The following NCK2 variants were observed in gnomAD, a reference collection of about 807,000 sequenced individuals.
The protein encoded by NCK2 is cytoplasmic protein NCK2.
NCK2 carries 16 observed loss-of-function variants against 33.9 expected under a neutral mutation model. The ratio of observed to expected loss-of-function variants is 0.47; its 90% CI spans 0.32 to 0.72. The LOEUF (loss-of-function observed/expected upper bound fraction) is 0.72. Among genes scored for constraint, NCK2 ranks in the 30% least tolerant of loss-of-function variants. NCK2 has a pLI of 0.03. For synonymous variants in NCK2, 273 were observed against 239.9 expected (o/e 1.14, Z -1.27); for missense variants, 418 against 537.3 (o/e 0.78, Z 2.19).
chr2:105,792,426 C>G (rs1051615603), intron 1 of NCK2, among the ~76,000 whole-genome samples: 16 of 152,178 alleles, frequency 1.1e-4, no homozygotes, highest in Non-Finnish European at 1.9e-4. Flanking sequence ...GACATCAATT[C>G]CTGTCCTGTA....
At chr2:105,808,895 A>G (rs180672407) in intron 1 of NCK2, among the ~76,000 whole-genome samples, 56 of 152,290 alleles carry the variant, frequency 3.7e-4, no homozygotes, top group Admixed American at 1.1e-3. Flanking sequence ...TGGGCAAACT[A>G]ATTTTTGCTT....
chr2:105,852,677 G>A (rs1677112455), intron 2 of NCK2, among the ~76,000 whole-genome samples: 1 of 152,108 alleles, frequency 6.6e-6, no homozygotes, highest in Non-Finnish European at 1.5e-5. Flanking sequence ...AAGAAATGTG[G>A]TATTCAGATG....
At chr2:105,809,137 G>A (rs1325986200) in intron 1 of NCK2, among the ~76,000 whole-genome samples, 1 of 152,174 alleles carries the variant, frequency 6.6e-6, no homozygotes, top group African/African-American at 2.4e-5. Context: ...GTTCTTTCTG[G>A]TGTGCAAGAG....
intron 1 of NCK2, among the ~76,000 whole-genome samples, chr2:105,808,632 G>A (rs1161378003): frequency 6.6e-6 from 1 of 152,152 alleles, no homozygotes; most frequent in Non-Finnish European, 1.5e-5. Context: ...CGTGACTGCA[G>A]GGTGGATCAC....
chr2:105,876,033 C>T (rs971731166), intron 3 of NCK2, among the ~76,000 whole-genome samples: 12 of 151,936 alleles, frequency 7.9e-5, no homozygotes, highest in African/African-American at 2.9e-4. Context: ...CATTATTGAA[C>T]AAGCTGTAGA....
chr2:105,856,241 C>G (rs1356124733), intron 3 of NCK2, among the ~76,000 whole-genome samples: 2 of 152,206 alleles, frequency 1.3e-5, no homozygotes, highest in Non-Finnish European at 2.9e-5. Context: ...GCACACGGAA[C>G]TGACTTACAG....
At chr2:105,866,204 G>A (rs1677747388) in intron 3 of NCK2, among the ~76,000 whole-genome samples, 1 of 152,198 alleles carries the variant, frequency 6.6e-6, no homozygotes, top group Non-Finnish European at 1.5e-5. Context: ...GTGAGCCACC[G>A]TGGCCAGCTG....
intron 1 of NCK2, among the ~76,000 whole-genome samples, chr2:105,798,701 C>T (rs1445103456): frequency 1.3e-5 from 2 of 152,150 alleles, no homozygotes; most frequent in Non-Finnish European, 2.9e-5. Context: ...TGAATCTCAA[C>T]AGAATGAAAA....
intron 2 of NCK2, among the ~76,000 whole-genome samples, chr2:105,832,704 ATTT>A (rs67864986): frequency 6.9e-6 from 1 of 144,366 alleles, no homozygotes; most frequent in Non-Finnish European, 1.5e-5. Context: ...CTTTGCCAGT[ATTT>A]TTTTTTTTTT....
chr2:105,780,802 GA>G (rs1690468611), intron 1 of NCK2, among the ~76,000 whole-genome samples: 2 of 152,226 alleles, frequency 1.3e-5, no homozygotes, highest in African/African-American at 4.8e-5. Context: ...GACACAGCAA[GA>G]AGCCGCCGTG....
chr2:105,795,090 C>T (rs1039450037), intron 1 of NCK2, among the ~76,000 whole-genome samples: 1 of 152,136 alleles, frequency 6.6e-6, no homozygotes, highest in Non-Finnish European at 1.5e-5. Flanking sequence ...TATCCAGTTC[C>T]CCCACATGAA....
chr2:105,767,503 G>T (rs1689987756), intron 1 of NCK2, among the ~76,000 whole-genome samples: 2 of 152,190 alleles, frequency 1.3e-5, no homozygotes, highest in African/African-American at 4.8e-5. Flanking sequence ...AGTGGCCCAT[G>T]GACCAAATCC....
At chr2:105,888,456 A>G (rs541861315) in intron 4 of NCK2, among the ~76,000 whole-genome samples, 1 of 152,238 alleles carries the variant, frequency 6.6e-6, no homozygotes, top group African/African-American at 2.4e-5. Context: ...AAAGGTGGCA[A>G]TTAAAGAGGA....
At chr2:105,766,501 G>A (rs551277013) in intron 1 of NCK2, among the ~76,000 whole-genome samples, 106 of 152,138 alleles carry the variant, frequency 7.0e-4, no homozygotes, top group African/African-American at 2.3e-3. Context: ...TTTAATTTTT[G>A]TTGTAGAGAT....
At chr2:105,873,590 A>C (rs1260495352) in intron 3 of NCK2, among the ~76,000 whole-genome samples, 6 of 152,162 alleles carry the variant, frequency 3.9e-5, no homozygotes, top group Non-Finnish European at 5.9e-5. Context: ...TTCAGATGGG[A>C]ATCAACAGTT....
chr2:105,761,170 A>C (rs1689753086), intron 1 of NCK2, among the ~76,000 whole-genome samples: 1 of 152,150 alleles, frequency 6.6e-6, no homozygotes, highest in South Asian at 2.1e-4. Flanking sequence ...TCTGGGCAGC[A>C]GGGTTGTGCC....
intron 1 of NCK2, among the ~76,000 whole-genome samples, chr2:105,805,325 G>A (rs1015741819): frequency 1.3e-5 from 2 of 152,176 alleles, no homozygotes; most frequent in African/African-American, 4.8e-5. Flanking sequence ...TGAGGAGAAT[G>A]TGGATGAACA....
intron 1 of NCK2, among the ~76,000 whole-genome samples, chr2:105,781,914 C>T (rs1358114512): frequency 6.6e-6 from 1 of 152,138 alleles, no homozygotes; most frequent in African/African-American, 2.4e-5. Context: ...TATTTCTTGC[C>T]GTAAATGCTT....
At position 105,808,469 on chromosome 2, in the gene NCK2, G is replaced by A. The variant is rs111478368; in HGVS notation, c.-200-7961G>A. The stretch of plus-strand genomic sequence containing the variant: ...TCATTTACTAAATCACGGATTAATC[G>A]GGTGGTTCTCAGTGCCAAGCACATA... On this transcript the variant is annotated intron_variant, in intron 1 of 4. Coordinates refer to ENST00000233154, the MANE Select transcript of NCK2 (RefSeq NM_003581.5). Among the ~76,000 whole-genome samples, 1,005 of 152,200 alleles carry A rather than the reference G, an allele frequency of 6.6e-3. 9 individuals carry two copies. Among genetic ancestry groups the A allele is most frequent in the African/African-American group, 0.023 (949 of 41,514 alleles).
Sources: gnomAD v4.1 joint callset for allele counts (sites outside exome capture counted in the v4.1 genomes callset) on GRCh38, gnomAD v4.1.1 for gene constraint, MANE v1.5 for transcripts, NCBI Gene and HGNC (gene_info 2026-07-23, HGNC 2026-07-21) for gene names.